The following SLC12A3 variants were observed in gnomAD, a reference collection of about 807,000 sequenced individuals.
SLC12A3 encodes solute carrier family 12 member 3.
Under a neutral mutation model 121.0 loss-of-function variants are expected in SLC12A3, and 104 were observed. That is an observed-to-expected ratio of 0.86 (90% CI 0.73 to 1.01). The LOEUF (loss-of-function observed/expected upper bound fraction) is 1.01, where lower values mean the gene tolerates loss of function less well. Among genes scored for constraint, SLC12A3 ranks in the 50% least tolerant of loss-of-function variants. SLC12A3 has a pLI of 0.00. For synonymous variants in SLC12A3, 536 were observed against 533.4 expected (o/e 1.00, Z -0.07); for missense variants, 1,328 against 1,356.3 (o/e 0.98, Z 0.33).
chr16:56,909,462 C>T (rs112867855), intron 25 of SLC12A3, among the ~76,000 whole-genome samples: 42 of 150,496 alleles, frequency 2.8e-4, no homozygotes, highest in African/African-American at 9.8e-4. Context: ...AAATCAATCC[C>T]CCACCCACCA....
chr16:56,888,791 C>T (rs544705814), intron 18 of SLC12A3, among the ~76,000 whole-genome samples: 2 of 152,076 alleles, frequency 1.3e-5, no homozygotes, highest in African/African-American at 4.8e-5. Flanking sequence ...ATCTCCTGAC[C>T]TCGTGATCCG....
chr16:56,884,135 T>C lies in SLC12A3; in HGVS notation c.1756T>C (p.Trp586Arg). The stretch of plus-strand genomic sequence containing the variant: ...CGTGGTCATCATGTTCCTCCTCACC[T>C]GGTGGGCGGCCCTCATCGCCATTGG... ...ISVVIMFLLT[W>R]WAALIAIGVV... The change falls in exon 14 of 26, where the codon TGG (tryptophan) becomes CGG (arginine). Residue 586 changes from tryptophan (W) to arginine (R), a missense_variant. Trp to Arg is a moderately radical substitution (Grantham distance 101, BLOSUM62 -3). Coordinates refer to ENST00000563236, the MANE Select transcript of SLC12A3 (RefSeq NM_001126108.2). 6.2e-7 allele frequency: 1 copy of C among 1,614,192 alleles called. No homozygotes were observed. The highest frequency in any genetic ancestry group is 8.5e-7 in the Non-Finnish European group (1 of 1,180,002).
chr16:56,892,856 T>C, intron 20 of SLC12A3, 97 bp from the exon 21 acceptor site: 1 of 910,298 alleles, frequency 1.1e-6, no homozygotes, highest in Non-Finnish European at 1.8e-6. Flanking sequence ...AGAGAACCCG[T>C]GTTCAACATC....
intron 17 of SLC12A3, 141 bp from the exon 18 acceptor site, chr16:56,887,784 A>ATG (rs2055334450): frequency 1.0e-5 from 1 of 96,122 alleles, no homozygotes; most frequent in Admixed American, 1.4e-4. Flanking sequence ...ATATATATAT[A>ATG]TATATATATA....
chr16:56,899,411 C>T, intron 22 of SLC12A3, 119 bp from the exon 23 acceptor site: 1 of 788,084 alleles, frequency 1.3e-6, no homozygotes, highest in Non-Finnish European at 2.2e-6. Flanking sequence ...ATTGCTTGAA[C>T]CTGGGAGGCA....
chr16:56,888,097 GA>G, intron 18 of SLC12A3, 66 bp downstream of exon 18: 1 of 1,219,532 alleles, frequency 8.2e-7, no homozygotes, highest in Non-Finnish European at 1.2e-6. Context: ...TTGAGAAGTG[GA>G]AAAGAAGTAG....
chr16:56,889,531 C>A (rs1434357946), intron 18 of SLC12A3, among the ~76,000 whole-genome samples: 1 of 152,160 alleles, frequency 6.6e-6, no homozygotes, highest in East Asian at 1.9e-4. Flanking sequence ...GGCTGGAGTG[C>A]AATGGTGCGA....
At chr16:56,902,205 A>G (rs1308077558) in intron 23 of SLC12A3, 168 bp from the exon 24 acceptor site, 2 of 812,024 alleles carry the variant, frequency 2.5e-6, no homozygotes, top group African/African-American at 3.4e-5. Flanking sequence ...AGACCCAGCC[A>G]GCAGAGCTGA....
At chr16:56,903,240 G>A (rs1445384385) in intron 24 of SLC12A3, among the ~76,000 whole-genome samples, 7 of 152,116 alleles carry the variant, frequency 4.6e-5, no homozygotes, top group Non-Finnish European at 1.5e-5. Context: ...ACAGCTCAGA[G>A]CTATGGTGCC....
chr16:56,891,333 C>G (rs1381221082), intron 19 of SLC12A3, among the ~76,000 whole-genome samples: 1 of 139,288 alleles, frequency 7.2e-6, no homozygotes, highest in African/African-American at 2.8e-5. Context: ...GATTGCACCA[C>G]TGCACTCCAG....
chr16:56,874,792 G>A (rs1388651964), intron 8 of SLC12A3, among the ~76,000 whole-genome samples: 5 of 152,134 alleles, frequency 3.3e-5, no homozygotes, highest in African/African-American at 9.7e-5. Context: ...GTGACAGAGC[G>A]GAACTCCATC....
rs757783208 is a variant in SLC12A3, at chr16:56,899,550, A to G, written c.2654A>G (p.Lys885Arg). 6.2e-7 allele frequency: 1 copy of G among 1,614,014 alleles called. No homozygotes were observed. The highest frequency in any genetic ancestry group is 8.5e-7 in the Non-Finnish European group (1 of 1,179,844). ...ERKAIISLLS[K>R]FRLGFHEVHI... Reference sequence around the variant, plus strand: ...TCCAGGATCATTTCTCTGCTGAGCAAGTTCCGACTGGGATTCCATGAAGTC... The same window carrying G: ...TCCAGGATCATTTCTCTGCTGAGCAGGTTCCGACTGGGATTCCATGAAGTC... Residue 885 changes from lysine to arginine, a missense_variant, in exon 23 of 26, where the codon AAG becomes AGG. Physicochemically the swap from Lys to Arg is conservative, Grantham distance 26 (BLOSUM62 2). Coordinates refer to ENST00000563236, the MANE Select transcript of SLC12A3 (RefSeq NM_001126108.2).
rs774600732 is a variant in SLC12A3, at chr16:56,913,261, C to T, written c.2925-3C>T. On this transcript the variant is annotated splice_polypyrimidine_tract_variant and splice_region_variant and intron_variant, in intron 25 of 25. Coordinates refer to ENST00000563236, the MANE Select transcript of SLC12A3 (RefSeq NM_001126108.2). Reference sequence around the variant, plus strand: ...TCTTCTACCACTTTTTCATGCCTTGCAGCACTTTGCCCATAGGGAGGAAGG... The same window carrying T: ...TCTTCTACCACTTTTTCATGCCTTGTAGCACTTTGCCCATAGGGAGGAAGG... 39 of 1,614,026 alleles carry T rather than the reference C, an allele frequency of 2.4e-5. No homozygotes were observed. The highest frequency in any genetic ancestry group is 8.3e-5 in the Admixed American group (5 of 60,000).
intron 25 of SLC12A3, chr16:56,907,226 C>T (rs3794649): frequency 0.17 from 25,515 of 154,254 alleles, 2,139 homozygotes; most frequent in East Asian, 0.25. Flanking sequence ...GAGGCCAAGG[C>T]GGGTGGATCA....
chr16:56,873,098 T>G (rs1307670260), intron 8 of SLC12A3, among the ~76,000 whole-genome samples: 1 of 152,234 alleles, frequency 6.6e-6, no homozygotes, highest in African/African-American at 2.4e-5. Flanking sequence ...GCCTTGCTCA[T>G]GCACATCTTT....
chr16:56,870,491 A>C, intron 5 of SLC12A3, 135 bp from the exon 6 acceptor site: 1 of 772,060 alleles, frequency 1.3e-6, no homozygotes, highest in Admixed American at 2.0e-5. Flanking sequence ...TGGGGACTCG[A>C]TGGCAGGGGT....
At chr16:56,867,434 G>T (rs1024131413) in intron 2 of SLC12A3, among the ~76,000 whole-genome samples, 2 of 152,208 alleles carry the variant, frequency 1.3e-5, no homozygotes, top group Non-Finnish European at 2.9e-5. Flanking sequence ...CCAGGGGGCT[G>T]CACTAAACAC....
intron 3 of SLC12A3, 144 bp from the exon 4 acceptor site, chr16:56,869,585 C>A: frequency 1.4e-6 from 1 of 731,108 alleles, no homozygotes; most frequent in Non-Finnish European, 2.4e-6. Flanking sequence ...CTCGGCCTCC[C>A]AAAGTGACAG....
chr16:56,870,434 G>A (rs1222793632), intron 5 of SLC12A3, among the ~76,000 whole-genome samples, 192 bp from the exon 6 acceptor site: 1 of 152,276 alleles, frequency 6.6e-6, no homozygotes, highest in Non-Finnish European at 1.5e-5. Flanking sequence ...TTGGGGGTGT[G>A]TGTGGCCTTT....
Sources: gnomAD v4.1 joint callset for allele counts (sites outside exome capture counted in the v4.1 genomes callset) on GRCh38, gnomAD v4.1.1 for gene constraint, MANE v1.5 for transcripts, NCBI Gene and HGNC (gene_info 2026-07-23, HGNC 2026-07-21) for gene names.